The following HAUS7 variants were observed in gnomAD, a reference collection of about 807,000 sequenced individuals.
The protein encoded by HAUS7 is HAUS augmin-like complex subunit 7.
HAUS7 carries 3 observed loss-of-function variants against 28.4 expected under a neutral mutation model. The ratio of observed to expected loss-of-function variants is 0.11; its 90% confidence interval spans 0.05 to 0.27. The LOEUF (loss-of-function observed/expected upper bound fraction) is 0.27, where lower values mean the gene tolerates loss of function less well. HAUS7 is among the 10% of genes least tolerant of loss of function. The pLI is 1.00. For synonymous variants in HAUS7, 165 were observed against 132.1 expected (o/e 1.25, Z -1.71); for missense variants, 284 against 297.3 (o/e 0.96, Z 0.33).
rs1556985011 is a variant in HAUS7 at position 153,470,535 on chromosome X, C to T, written c.23G>A (p.Cys8Tyr). 1 of 1,194,704 alleles carries T rather than the reference C, an allele frequency of 8.4e-7. No homozygotes were observed. Among genetic ancestry groups the T allele is most frequent in the Admixed American group, 2.2e-5 (1 of 45,067 alleles). MAGQDAG[C>Y]GRGGDDYSED... The stretch of plus-strand genomic sequence containing the variant: ...TGAGTAGTCGTCGCCGCCACGGCCG[C>T]AGCCAGCGTCCTGCCCCGCCATGTT... The change falls in exon 1 of 10, where the codon TGC becomes TAC. Residue 8 changes from cysteine (C) to tyrosine (Y), a missense_variant. Coordinates refer to ENST00000370211, the MANE Select transcript of HAUS7 (RefSeq NM_001385482.1).
At chrX:153,484,156 G>A (rs782591233) in intron 1 of HAUS7, among the ~76,000 whole-genome samples, 54 of 111,829 alleles carry the variant, frequency 4.8e-4, no homozygotes, top group Non-Finnish European at 8.5e-4. Context: ...GCACGTGGCC[G>A]TCTCCCCTGC....
At chrX:153,465,634 C>T (rs1188947307) in intron 2 of HAUS7, among the ~76,000 whole-genome samples, 2 of 112,817 alleles carry the variant, frequency 1.8e-5, no homozygotes, top group East Asian at 2.8e-4. Context: ...CTGCAGCACA[C>T]AGGGGCCGCT....
At chrX:153,494,185 GC>G (rs1237752937) in intron 1 of HAUS7, among the ~76,000 whole-genome samples, 1 of 112,022 alleles carries the variant, frequency 8.9e-6, no homozygotes, top group African/African-American at 3.2e-5. Context: ...AACCCGGTTA[GC>G]CCCCGTAAGT....
At chrX:153,491,143 C>T (rs1472819310) in intron 1 of HAUS7, among the ~76,000 whole-genome samples, 2 of 111,387 alleles carry the variant, frequency 1.8e-5, no homozygotes, top group African/African-American at 3.3e-5. Flanking sequence ...AGAGGGAGCC[C>T]GGGGCCCAGT....
upstream of HAUS7, chrX:153,470,648 C>G (rs1335065008): frequency 5.4e-6 from 6 of 1,113,385 alleles, no homozygotes; most frequent in Non-Finnish European, 7.2e-6. Flanking sequence ...CCCGCCCACC[C>G]GCCTGCGCCC....
chrX:153,467,986 A>T (rs150495389), intron 2 of HAUS7, among the ~76,000 whole-genome samples: 1,372 of 112,540 alleles, frequency 0.012, 9 homozygotes, highest in African/African-American at 0.041. Context: ...AGAGACTAGA[A>T]GGCCATTTCC....
chrX:153,476,141 G>A (rs1337377902), intron 1 of HAUS7, among the ~76,000 whole-genome samples: 8 of 112,210 alleles, frequency 7.1e-5, no homozygotes, highest in Non-Finnish European at 1.3e-4. Flanking sequence ...ACCTTCCCAC[G>A]GCTCACTCAG....
intron 1 of HAUS7, among the ~76,000 whole-genome samples, chrX:153,488,697 C>T (rs918771368): frequency 8.9e-5 from 10 of 112,935 alleles, no homozygotes; most frequent in African/African-American, 1.9e-4. Context: ...CTGGCCGCCC[C>T]GGTCCCTGCG....
chrX:153,478,310 T>C (rs782189811), intron 1 of HAUS7, among the ~76,000 whole-genome samples: 2 of 111,920 alleles, frequency 1.8e-5, no homozygotes, highest in African/African-American at 3.2e-5. Flanking sequence ...TGGCGGGCTC[T>C]AGGAACTGGA....
At position 153,483,296 on chromosome X, in the gene HAUS7, C is replaced by T. The variant is rs1243599050; in HGVS notation, c.-589+12078G>A. 7 of 754,635 alleles carry T rather than the reference C, an allele frequency of 9.3e-6. No individual in the cohort carries two copies. In the East Asian group the frequency reaches 7.5e-4, roughly 81 times the overall value. The allele number at this position is 754,635 out of a possible 1,213,427, so 62.2% of individuals were successfully genotyped here. On this transcript the variant is annotated intron_variant, in intron 1 of 5. Coordinates refer to the HAUS7 transcript ENST00000370210. ...GGCCCCTCACCCCAACCCCTGACCC[C>T]GACCCTAGGAGCTGCACCTGGGCAC... is the stretch of plus-strand genomic sequence containing the variant.
intron 1 of HAUS7, chrX:153,483,297 G>A (rs926145191): frequency 4.8e-5 from 36 of 753,124 alleles, no homozygotes; most frequent in Middle Eastern, 7.0e-4. Context: ...CCCTGACCCC[G>A]ACCCTAGGAG....
rs782097097 is a variant in HAUS7 at position 153,455,667 on chromosome X, T to C, written c.805A>G (p.Ile269Val). The change falls in exon 8 of 10, where the codon ATC becomes GTC. Residue 269 changes from isoleucine to valine, a missense_variant. Coordinates refer to ENST00000370211, the MANE Select transcript of HAUS7 (RefSeq NM_001385482.1). ...RLVTSDFHQLILAFLQVYDDE... is the reference protein window; with the variant it reads ...RLVTSDFHQLVLAFLQVYDDE... ...TCGTAGACTTGGAGAAAAGCCAAGA[T>C]TAGCTGGTGGAAGTCGGAAGTGACC... is the stretch of plus-strand genomic sequence containing the variant. 1.7e-6 allele frequency: 2 copies of C among 1,206,640 alleles called. No homozygotes were observed. Among genetic ancestry groups the C allele is most frequent in the East Asian group, 5.9e-5 (2 of 33,807 alleles).
At chrX:153,473,725 G>A (rs1556985747), upstream of HAUS7, among the ~76,000 whole-genome samples, 1 of 112,675 alleles carries the variant, frequency 8.9e-6, no homozygotes, top group Non-Finnish European at 1.9e-5. Context: ...AGGACGGTCT[G>A]AGTGTGAGGC....
At chrX:153,490,552 C>G (rs2089665437) in intron 1 of HAUS7, among the ~76,000 whole-genome samples, 1 of 112,828 alleles carries the variant, frequency 8.9e-6, no homozygotes, top group Admixed American at 9.3e-5. Context: ...GAGCTTCATG[C>G]CGCTTCGAGG....
At chrX:153,475,096 T>C (rs1556986034), upstream of HAUS7, among the ~76,000 whole-genome samples, 1 of 112,626 alleles carries the variant, frequency 8.9e-6, no homozygotes, top group Non-Finnish European at 1.9e-5. Context: ...CTCCGTTCCC[T>C]GCCGAGGTCC....
Position 153,455,571 on chromosome X carries a change from T to A in HAUS7, c.901A>T (p.Thr301Ser), listed in dbSNP as rs1173877143. Residue 301 changes from threonine (T) to serine (S), a missense_variant, in exon 8 of 10, where the codon ACG becomes TCG. Transcript: ENST00000370211. ...LHPCGPIIQA[T>S]HQNLTSYSQL... ...CTGTAGGAAGTCAGATTCTGGTGCG[T>A]GGCCTGGATGATGGGGCCGCACGGG... 1.7e-6 allele frequency: 2 copies of A among 1,205,088 alleles called. No homozygotes were observed. Among genetic ancestry groups the A allele is most frequent in the Non-Finnish European group, 2.2e-6 (2 of 891,014 alleles).
chrX:153,473,696 G>C (rs1202667209), upstream of HAUS7, among the ~76,000 whole-genome samples: 1 of 112,898 alleles, frequency 8.9e-6, no homozygotes, highest in Admixed American at 9.3e-5. Flanking sequence ...AAATGTGACA[G>C]AGTAATGAGG....
At chrX:153,493,203 C>G (rs2060486841) in intron 1 of HAUS7, among the ~76,000 whole-genome samples, 1 of 112,305 alleles carries the variant, frequency 8.9e-6, no homozygotes, top group African/African-American at 3.2e-5. Flanking sequence ...CCACTGCCCA[C>G]AAATCCGCTT....
At chrX:153,483,191 G>A in intron 1 of HAUS7, 1 of 410,738 alleles carries the variant, frequency 2.4e-6, no homozygotes, top group Non-Finnish European at 3.1e-6. Context: ...AGACATGGCT[G>A]GGTGGAAGGA....
Sources: gnomAD v4.1 joint callset for allele counts (sites outside exome capture counted in the v4.1 genomes callset) on GRCh38, gnomAD v4.1.1 for gene constraint, MANE v1.5 for transcripts, NCBI Gene and HGNC (gene_info 2026-07-23, HGNC 2026-07-21) for gene names.